The following AMH variants were observed in gnomAD, a reference collection of about 807,000 sequenced individuals.
AMH encodes the protein anti-Mullerian hormone, also known as anti-Muellerian hormone.
A neutral mutation model predicts 33.3 loss-of-function variants in AMH; 39 were observed. That is an observed-to-expected ratio of 1.17 (90% CI 0.91 to 1.53). The LOEUF (loss-of-function observed/expected upper bound fraction) is 1.53, where lower values mean the gene tolerates loss of function less well. AMH is among the 40% of genes most tolerant of loss of function. AMH has a pLI of 0.00. For missense variants in AMH, 1,019 were observed against 799.8 expected (o/e 1.27, Z -3.30); for synonymous variants, 536 against 403.0 (o/e 1.33, Z -3.95).
rs759273427 is a variant in AMH at position 2,249,396 on chromosome 19, A to G, written c.64A>G (p.Thr22Ala). 6 of 1,592,460 alleles carry G rather than the reference A, an allele frequency of 3.8e-6. No individual in the cohort carries two copies. Among genetic ancestry groups the G allele is most frequent in the Admixed American group, 3.5e-5 (2 of 57,402 alleles). ...VLSALGALLGTEALRAEEPAV... is the reference protein window; with the variant it reads ...VLSALGALLGAEALRAEEPAV... ...GTCTGCCCTGGGGGCTCTGCTGGGG[A>G]CTGAGGCCCTCAGAGCAGAGGAGCC... Residue 22 changes from threonine (T) to alanine (A), a missense_variant, in exon 1 of 5, where the codon ACT (threonine) becomes GCT (alanine). Coordinates refer to ENST00000221496, the MANE Select transcript of AMH (RefSeq NM_000479.5).
At position 2,251,568 on chromosome 19, in the gene AMH, C is replaced by T; in HGVS notation, c.1294C>T (p.Gln432Ter). The T allele has an allele frequency of 7.6e-7, 1 of 1,312,502 alleles. No homozygotes were observed. The highest frequency in any genetic ancestry group is 9.7e-7 in the Non-Finnish European group (1 of 1,033,070). 81.3% of individuals were successfully genotyped at this position (1,312,502 alleles called of 1,614,324 possible). Residue 432 changes from glutamine to a stop codon, truncating the protein, a stop_gained, in exon 5 of 5, where the codon CAG (glutamine) becomes TAG (stop). Coordinates refer to ENST00000221496, the MANE Select transcript of AMH (RefSeq NM_000479.5). LOFTEE classifies it high-confidence loss of function. Reference protein sequence around the residue: ...LRALLLLKALQGLRVEWRGRD... With the variant: ...LRALLLLKAL ...AGCGCTGCTGCTCCTGAAGGCGCTG[C>T]AGGGCCTGCGCGTGGAGTGGCGCGG...
chr19:2,251,044 G>T (rs973412835), intron 4 of AMH, 36 bp downstream of exon 4: 2 of 1,526,872 alleles, frequency 1.3e-6, no homozygotes, highest in African/African-American at 2.8e-5. Context: ...GCAGGAGCGG[G>T]CGGGGGCGGC....
chr19:2,251,995 A>T lies in AMH; in HGVS notation c.*38A>T, dbSNP rs2025058231. ...GCGGACTCCTGCCCCGAGGGTCCGG[A>T]CGCGCCCCAGCTCGCGCCCCTTCCC... is the stretch of plus-strand genomic sequence containing the variant. On this transcript the variant is annotated 3_prime_UTR_variant, in exon 5 of 5. Coordinates refer to ENST00000221496, the MANE Select transcript of AMH (RefSeq NM_000479.5). The T allele has an allele frequency of 1.3e-6, 2 of 1,530,002 alleles. No homozygotes were observed. Among genetic ancestry groups the T allele is most frequent in the African/African-American group, 2.7e-5 (2 of 72,728 alleles). 94.8% of individuals were successfully genotyped at this position (1,530,002 alleles called of 1,614,324 possible).
At chr19:2,250,042 C>A in intron 1 of AMH, 1 of 618,012 alleles carries the variant, frequency 1.6e-6, no homozygotes, top group Non-Finnish European at 2.8e-6. Context: ...CTTCCCACAG[C>A]CCCAGCCTGT....
In AMH at chr19:2,251,617, G is replaced by C; in HGVS notation, c.1343G>C (p.Arg448Pro). The C allele has an allele frequency of 6.9e-7, 1 of 1,442,326 alleles. No individual in the cohort carries two copies. The highest frequency in any genetic ancestry group is 9.1e-7 in the Non-Finnish European group (1 of 1,099,996). 89.3% of individuals were successfully genotyped at this position (1,442,326 alleles called of 1,614,324 possible). ...GGGCGGGATCCGCGCGGGCCGGGTC[G>C]GGCACAGCGCAGCGCGGGGGCCACC... ...WRGRDPRGPG[R>P]AQRSAGATAA... The change falls in exon 5 of 5, where the codon CGG becomes CCG. Residue 448 changes from arginine to proline, a missense_variant. Transcript: ENST00000221496.
Position 2,249,364 on chromosome 19 carries a change from T to C in AMH, c.32T>C (p.Leu11Pro). Residue 11 changes from leucine to proline, a missense_variant, in exon 1 of 5, where the codon CTA becomes CCA. Physicochemically the swap from Leu to Pro is moderately conservative, Grantham distance 98. Transcript: ENST00000221496. MRDLPLTSLA[L>P]VLSALGALLG... ...GACCTGCCTCTCACCAGCCTGGCCC[T>C]AGTGCTGTCTGCCCTGGGGGCTCTG... 1 of 1,582,030 alleles carries C rather than the reference T, an allele frequency of 6.3e-7. No homozygotes were observed.
chr19:2,249,913 T>A lies in AMH; in HGVS notation c.412+169T>A, dbSNP rs886147487. ...GTGGCCTGGAAGGTGGGCACCACAC[T>A]CTGTCCTGTCCCCGAAGCCCAGCTC... On this transcript the variant is annotated intron_variant, in intron 1 of 4. Coordinates refer to ENST00000221496, the MANE Select transcript of AMH (RefSeq NM_000479.5). The A allele has an allele frequency of 2.4e-5, 19 of 785,484 alleles. No individual in the cohort carries two copies. The East Asian group carries it at 3.5e-4, about 15-fold the overall frequency. 48.7% of individuals were successfully genotyped at this position (785,484 alleles called of 1,614,324 possible).
intron 2 of AMH, 53 bp downstream of exon 2, chr19:2,250,532 T>C: frequency 6.5e-7 from 1 of 1,540,192 alleles, no homozygotes; most frequent in Non-Finnish European, 8.7e-7. Flanking sequence ...GGGCATGGAT[T>C]TGTTGCAGGG....
Position 2,252,012 on chromosome 19 carries a change from C to A in AMH, c.*55C>A. ...GGGTCCGGACGCGCCCCAGCTCGCG[C>A]CCCTTCCCATATTTATTCGGACCCC... On this transcript the variant is annotated 3_prime_UTR_variant, in exon 5 of 5. Coordinates refer to ENST00000221496, the MANE Select transcript of AMH (RefSeq NM_000479.5). The A allele has an allele frequency of 6.6e-7, 1 of 1,526,202 alleles. No homozygotes were observed. The highest frequency in any genetic ancestry group is 8.8e-7 in the Non-Finnish European group (1 of 1,141,394). The allele number at this position is 1,526,202 out of a possible 1,614,324, so 94.5% of individuals were successfully genotyped here. A position where few individuals can be genotyped will look rare whatever the true frequency, so the allele number is the denominator to read the frequency against.
intron 1 of AMH, 79 bp downstream of exon 1, chr19:2,249,823 C>A: frequency 7.1e-7 from 1 of 1,403,212 alleles, no homozygotes; most frequent in Non-Finnish European, 9.3e-7. Context: ...AGATCAGGGG[C>A]TGGCAGAGCC....
Position 2,249,572 on chromosome 19 carries a change from G to A in AMH, c.240G>A (p.Glu80=), listed in dbSNP as rs2024990822. Residue 80 remains glutamate (E), a synonymous_variant, in exon 1 of 5, where the codon GAG becomes GAA. Coordinates refer to ENST00000221496, the MANE Select transcript of AMH (RefSeq NM_000479.5). ...LRVVGALSAY[E]QAFLGAVQRA... is the part of the protein sequence containing the mutation. ...TGGTGGGGGCTCTAAGCGCCTATGA[G>A]CAGGCCTTCCTGGGGGCCGTGCAGA... The A allele has an allele frequency of 1.3e-6, 2 of 1,574,750 alleles. No homozygotes were observed. Among genetic ancestry groups the A allele is most frequent in the Non-Finnish European group, 1.7e-6 (2 of 1,162,884 alleles).
Position 2,251,350 on chromosome 19 carries a change from A to G in AMH, c.1076A>G (p.Asp359Gly). 1 of 1,491,276 alleles carries G rather than the reference A, an allele frequency of 6.7e-7. No individual in the cohort carries two copies. The highest frequency in any genetic ancestry group is 8.9e-7 in the Non-Finnish European group (1 of 1,127,892). 92.4% of individuals were successfully genotyped at this position (1,491,276 alleles called of 1,614,324 possible). Residue 359 changes from aspartate to glycine, a missense_variant, in exon 5 of 5, where the codon GAT becomes GGT. Transcript: ENST00000221496. ...AGGCCCACTGCGGCCACCACCGGGG[A>G]TCCTGCGCCCCTGCACGACCCCACG... is the stretch of plus-strand genomic sequence containing the variant. ...LLRPTAATTG[D>G]PAPLHDPTSA...
intron 2 of AMH, 55 bp from the exon 3 acceptor site, chr19:2,250,597 T>C: frequency 6.5e-7 from 1 of 1,536,606 alleles, no homozygotes; most frequent in Non-Finnish European, 8.7e-7. Flanking sequence ...AGGGGACCGG[T>C]AGAGCGGGGC....
chr19:2,250,924 C>T lies in AMH; in HGVS notation c.740C>T (p.Pro247Leu), dbSNP rs1391292880. The change falls in exon 4 of 5, where the codon CCG (proline) becomes CTG (leucine). Residue 247 changes from proline to leucine, a missense_variant. Transcript: ENST00000221496. ...CACCGCTGCTTCACACGGATGACCC[C>T]GGCCCTGCTCCTGCTGCCGCGGTCC... ...DDHRCFTRMT[P>L]ALLLLPRSEP... The T allele has an allele frequency of 1.3e-6, 2 of 1,559,158 alleles. No individual in the cohort carries two copies. Among genetic ancestry groups the T allele is most frequent in the East Asian group, 2.3e-5 (1 of 42,590 alleles).
In AMH at chr19:2,250,361, T is replaced by C; in HGVS notation, c.437T>C (p.Leu146Pro). 1 of 1,598,246 alleles carries C rather than the reference T, an allele frequency of 6.3e-7. No individual in the cohort carries two copies. ...GTGACCTGGGAGCCAACACCCTCGCTGAGGTTCCAGGAGCCCCCGCCTGGA... is the reference window on the plus strand; with the variant it reads ...GTGACCTGGGAGCCAACACCCTCGCCGAGGTTCCAGGAGCCCCCGCCTGGA... The part of the protein sequence containing the change: ...EEVTWEPTPS[L>P]RFQEPPPGGA... The change falls in exon 2 of 5, where the codon CTG becomes CCG. Residue 146 changes from leucine to proline, a missense_variant. Physicochemically the swap from Leu to Pro is moderately conservative, Grantham distance 98. Coordinates refer to ENST00000221496, the MANE Select transcript of AMH (RefSeq NM_000479.5).
chr19:2,250,362 G>A lies in AMH; in HGVS notation c.438G>A (p.Leu146=), dbSNP rs201367909. 8.8e-6 allele frequency: 14 copies of A among 1,597,402 alleles called. No individual in the cohort carries two copies. The highest frequency in any genetic ancestry group is 6.8e-5 in the East Asian group (3 of 44,400). Residue 146 remains leucine (L), a synonymous_variant, in exon 2 of 5, where the codon CTG becomes CTA. Coordinates refer to ENST00000221496, the MANE Select transcript of AMH (RefSeq NM_000479.5). ...EEVTWEPTPS[L]RFQEPPPGGA... is the part of the protein sequence containing the mutation. ...TGACCTGGGAGCCAACACCCTCGCT[G>A]AGGTTCCAGGAGCCCCCGCCTGGAG...
chr19:2,251,039 A>G, intron 4 of AMH, 31 bp downstream of exon 4: 1 of 1,526,502 alleles, frequency 6.6e-7, no homozygotes, highest in Non-Finnish European at 8.7e-7. Flanking sequence ...ACGGGGCAGG[A>G]GCGGGCGGGG....
chr19:2,249,640 G>A lies in AMH; in HGVS notation c.308G>A (p.Cys103Tyr). The change falls in exon 1 of 5, where the codon TGC becomes TAC. Residue 103 changes from cysteine (C) to tyrosine (Y), a missense_variant. Physicochemically the swap from Cys to Tyr is radical, Grantham distance 194. Coordinates refer to ENST00000221496, the MANE Select transcript of AMH (RefSeq NM_000479.5). ...GPRDLATFGV[C>Y]NTGDRQAALP... ...CGAGACCTGGCCACCTTCGGGGTCT[G>A]CAACACCGGTGACAGGCAGGCTGCC... 1.3e-6 allele frequency: 2 copies of A among 1,520,996 alleles called. No individual in the cohort carries two copies. The highest frequency in any genetic ancestry group is 1.8e-6 in the Non-Finnish European group (2 of 1,137,190). 94.2% of individuals were successfully genotyped at this position (1,520,996 alleles called of 1,614,324 possible). A position where few individuals can be genotyped will look rare whatever the true frequency, so the allele number is the denominator to read the frequency against.
chr19:2,250,622 TC>T, intron 2 of AMH, 29 bp from the exon 3 acceptor site: 1 of 1,536,476 alleles, frequency 6.5e-7, no homozygotes. Context: ...TAAGCCTCCA[TC>T]CAGCCGGGCT....
Sources: allele counts gnomAD v4.1 joint callset, GRCh38; gene constraint gnomAD v4.1.1; transcripts MANE v1.5; gene names NCBI Gene and HGNC (gene_info 2026-07-23, HGNC 2026-07-21).